Variants in IL17RD observed in about 807,000 individuals in gnomAD.
IL17RD encodes the protein interleukin 17 receptor D.
A neutral mutation model predicts 80.5 loss-of-function variants in IL17RD; 52 were observed. The ratio of observed to expected loss-of-function variants is 0.65; its 90% CI spans 0.52 to 0.81. The LOEUF (loss-of-function observed/expected upper bound fraction) is 0.81. Ranked by LOEUF, IL17RD falls within the 40% of genes least tolerant of loss-of-function variation. The pLI, the probability that IL17RD is intolerant of heterozygous loss-of-function variation, is 0.00. For synonymous variants in IL17RD, 416 were observed against 391.8 expected, an observed-to-expected ratio of 1.06 and a Z score of -0.73; for missense variants, 1,024 against 955.1, an observed-to-expected ratio of 1.07 and a Z score of -0.95.
chr3:57,090,123 C>T lies in IL17RD; in HGVS notation c.*6270G>A, dbSNP rs938485174. 2.6e-5 allele frequency: 4 copies of T among 152,566 alleles called. No individual in the cohort carries two copies. The highest frequency in any genetic ancestry group is 7.2e-5 in the African/African-American group (3 of 41,416). 9.5% of individuals were successfully genotyped at this position (152,566 alleles called of 1,614,324 possible). On this transcript the variant is annotated 3_prime_UTR_variant, in exon 13 of 13. Transcript: ENST00000296318. ...CATTTTCAATGTCAAAAATACAGCA[C>T]GCTGTTAAGAGTTCTGTCAGTGCTC...
chr3:57,165,041 C>T (rs1327178446), intron 1 of IL17RD, 120 bp downstream of exon 1: 5 of 1,355,850 alleles, frequency 3.7e-6, no homozygotes, highest in African/African-American at 1.5e-5. Flanking sequence ...AGACCCAGGC[C>T]GGCCGCGGAC....
intron 1 of IL17RD, among the ~76,000 whole-genome samples, chr3:57,164,683 T>C (rs1245463118): frequency 1.3e-5 from 2 of 152,004 alleles, no homozygotes; most frequent in Non-Finnish European, 2.9e-5. Flanking sequence ...CCCTCCCCGG[T>C]GCTCCAAGTC....
chr3:57,105,707 T>C (rs980179315), intron 7 of IL17RD, 150 bp downstream of exon 7: 21 of 643,070 alleles, frequency 3.3e-5, no homozygotes, highest in Non-Finnish European at 5.3e-5. Context: ...AAGATGGCCC[T>C]GAGACATGCC....
intron 1 of IL17RD, among the ~76,000 whole-genome samples, chr3:57,159,877 A>T (rs2060291828): frequency 6.6e-6 from 1 of 152,238 alleles, no homozygotes; most frequent in South Asian, 2.1e-4. Flanking sequence ...AGCAGGCTGA[A>T]GAGGCAGTGG....
intron 3 of IL17RD, among the ~76,000 whole-genome samples, chr3:57,111,286 C>T (rs952876605): frequency 2.6e-5 from 4 of 152,124 alleles, no homozygotes; most frequent in South Asian, 2.1e-4. Flanking sequence ...ATAGGTTCTC[C>T]AATCCTATAA....
intron 1 of IL17RD, among the ~76,000 whole-genome samples, chr3:57,146,477 G>A (rs998683405): frequency 1.2e-4 from 18 of 152,124 alleles, no homozygotes; most frequent in African/African-American, 3.6e-4. Flanking sequence ...GGGGCTGGGC[G>A]CGGTGGCTCA....
At chr3:57,126,508 G>A (rs538435535) in intron 1 of IL17RD, among the ~76,000 whole-genome samples, 5 of 152,234 alleles carry the variant, frequency 3.3e-5, no homozygotes, top group East Asian at 1.9e-4. Flanking sequence ...GGCCGGCAGC[G>A]GAGCAGGATC....
At chr3:57,120,490 G>A (rs957778517) in intron 1 of IL17RD, among the ~76,000 whole-genome samples, 177 bp from the exon 2 acceptor site, 2 of 152,108 alleles carry the variant, frequency 1.3e-5, no homozygotes, top group Non-Finnish European at 2.9e-5. Flanking sequence ...TCAAACTCCC[G>A]CCAGCCCAGG....
chr3:57,116,430 T>C (rs151217904), intron 2 of IL17RD, among the ~76,000 whole-genome samples: 1,850 of 146,340 alleles, frequency 0.013, 37 homozygotes, highest in African/African-American at 0.044. Flanking sequence ...ATTACAGGCA[T>C]GCGCCACCAC....
chr3:57,127,406 A>AT lies in IL17RD; in HGVS notation c.127-7094dup, dbSNP rs1267876739. Among the ~76,000 whole-genome samples, 6 of 105,848 alleles carry AT rather than the reference A, an allele frequency of 5.7e-5. 1 individual carries two copies. Among genetic ancestry groups the AT allele is most frequent in the Middle Eastern group, 4.3e-3 (1 of 234 alleles). 69.4% of individuals were successfully genotyped at this position (105,848 alleles called of 152,430 possible). A position where few individuals can be genotyped will look rare whatever the true frequency, so the allele number is the denominator to read the frequency against. On this transcript the variant is annotated intron_variant, in intron 1 of 12. Coordinates refer to ENST00000296318, the MANE Select transcript of IL17RD (RefSeq NM_017563.5). ...TAAATAAATAAATAAATATATATATATATATATTTTTTTTTTGAGATAAGA... is the reference window on the plus strand; with the variant it reads ...TAAATAAATAAATAAATATATATATATTATATATTTTTTTTTTGAGATAAGA...
At chr3:57,127,239 T>TA (rs1553625548) in intron 1 of IL17RD, among the ~76,000 whole-genome samples, 2 of 98,714 alleles carry the variant, frequency 2.0e-5, no homozygotes, top group South Asian at 5.4e-4. Context: ...TAAAAATATA[T>TA]AAATATATAT....
intron 1 of IL17RD, among the ~76,000 whole-genome samples, chr3:57,132,699 T>C (rs922602755): frequency 6.6e-6 from 1 of 152,166 alleles, no homozygotes; most frequent in Non-Finnish European, 1.5e-5. Context: ...CATAAACCCA[T>C]CAAGACAGAG....
chr3:57,158,557 C>T (rs183223164), intron 1 of IL17RD, among the ~76,000 whole-genome samples: 1 of 152,252 alleles, frequency 6.6e-6, no homozygotes, highest in East Asian at 1.9e-4. Flanking sequence ...TATTAAGTCC[C>T]CCCCTTTAAA....
intron 1 of IL17RD, among the ~76,000 whole-genome samples, chr3:57,129,123 C>G (rs1303740629): frequency 6.6e-6 from 1 of 152,124 alleles, no homozygotes; most frequent in African/African-American, 2.4e-5. Context: ...TAACAGTCAA[C>G]CCATCTGTAG....
rs149080797 is a variant in IL17RD at position 57,148,278 on chromosome 3, T to G, written c.126+16883A>C. ...AGGCAGAGGTTGCAGTGAGCCAAGA[T>G]GGTGCCACTGCACTCCAGCCTGGGC... is the stretch of plus-strand genomic sequence containing the variant. On this transcript the variant is annotated intron_variant, in intron 1 of 12. Coordinates refer to ENST00000296318, the MANE Select transcript of IL17RD (RefSeq NM_017563.5). Among the ~76,000 whole-genome samples, 1,269 of 146,360 alleles carry G rather than the reference T, an allele frequency of 8.7e-3. 72 individuals are homozygous for G. In the East Asian group the frequency reaches 0.16, roughly 19 times the overall value.
intron 1 of IL17RD, among the ~76,000 whole-genome samples, chr3:57,162,612 G>A (rs936131068): frequency 9.9e-5 from 15 of 152,240 alleles, no homozygotes; most frequent in African/African-American, 3.6e-4. Context: ...AAGCTGCAGA[G>A]GTGTAAAGGA....
intron 1 of IL17RD, among the ~76,000 whole-genome samples, chr3:57,125,756 T>C (rs1226932268): frequency 6.6e-6 from 1 of 152,162 alleles, no homozygotes; most frequent in East Asian, 1.9e-4. Flanking sequence ...ATTCAACAGA[T>C]GGTCAAGGAG....
At chr3:57,101,133 G>A in intron 11 of IL17RD, 46 bp downstream of exon 11, 1 of 1,518,926 alleles carries the variant, frequency 6.6e-7, no homozygotes, top group Non-Finnish European at 9.1e-7. Context: ...AGAGTACAGG[G>A]CAAGTGTCCT....
At chr3:57,156,058 G>A (rs888662521) in intron 1 of IL17RD, among the ~76,000 whole-genome samples, 2 of 152,186 alleles carry the variant, frequency 1.3e-5, no homozygotes, top group Non-Finnish European at 2.9e-5. Context: ...TATGTGCCAG[G>A]CACTGTTCTC....
Sources: allele counts gnomAD v4.1 joint callset (sites outside exome capture counted in the v4.1 genomes callset), GRCh38; gene constraint gnomAD v4.1.1; transcripts MANE v1.5; gene names NCBI Gene and HGNC (gene_info 2026-07-23, HGNC 2026-07-21).